Variants in RYR2 observed in about 807,000 individuals in gnomAD.
RYR2 encodes the protein ryanodine receptor 2, also known as cardiac muscle ryanodine receptor-calcium release channel.
A neutral mutation model predicts 601.1 loss-of-function variants in RYR2; 227 were observed. The ratio of observed to expected loss-of-function variants is 0.38; its 90% CI spans 0.34 to 0.42. RYR2 has a LOEUF of 0.42. RYR2 is among the 10% of genes least tolerant of loss of function. The pLI, the probability that RYR2 is intolerant of heterozygous loss-of-function variation, is 1.00. For synonymous variants in RYR2, 2,223 were observed against 2,175.1 expected, an observed-to-expected ratio of 1.02 and a Z score of -0.61; for missense variants, 4,646 against 6,156.5, an observed-to-expected ratio of 0.75 and a Z score of 8.21.
chr1:237,147,429 A>G (rs1674136039), intron 1 of RYR2, among the ~76,000 whole-genome samples: 1 of 152,184 alleles, frequency 6.6e-6, no homozygotes, highest in African/African-American at 2.4e-5. Flanking sequence ...ATACACACAA[A>G]TTATCTGTTG....
intron 41 of RYR2, 26 bp downstream of exon 41, chr1:237,628,106 T>G: frequency 6.2e-7 from 1 of 1,605,596 alleles, no homozygotes; most frequent in Non-Finnish European, 8.5e-7. Context: ...ACTACAACCC[T>G]TTGTCTCGTA....
chr1:237,514,937 A>G (rs1206585939), intron 24 of RYR2, among the ~76,000 whole-genome samples: 1 of 152,232 alleles, frequency 6.6e-6, no homozygotes, highest in African/African-American at 2.4e-5. Context: ...GAACAGCTTC[A>G]TTTGTTTACA....
intron 55 of RYR2, 133 bp downstream of exon 55, chr1:237,660,207 TA>T (rs140488327): frequency 8.6e-4 from 356 of 413,480 alleles, no homozygotes; most frequent in South Asian, 1.4e-3. Flanking sequence ...AGGTCCCGTT[TA>T]AAAAAAAAAC....
At chr1:237,213,979 G>A (rs1682894552) in intron 1 of RYR2, among the ~76,000 whole-genome samples, 1 of 134,994 alleles carries the variant, frequency 7.4e-6, no homozygotes, top group South Asian at 2.4e-4. Context: ...GGAGTGCAGT[G>A]GTGTGATCTC....
At chr1:237,321,336 T>C (rs113279332) in intron 2 of RYR2, among the ~76,000 whole-genome samples, 5,794 of 152,166 alleles carry the variant, frequency 0.038, 255 homozygotes, top group African/African-American at 0.11. Context: ...AATTCCAAGG[T>C]GTTGAATGTC....
chr1:237,465,676 G>GCA (rs1660004698), intron 16 of RYR2, among the ~76,000 whole-genome samples: 1 of 152,166 alleles, frequency 6.6e-6, no homozygotes, highest in East Asian at 1.9e-4. Context: ...ATGGCCTACT[G>GCA]CGCGGCTACG....
intron 25 of RYR2, among the ~76,000 whole-genome samples, chr1:237,545,275 T>C (rs1248634707): frequency 6.6e-6 from 1 of 152,368 alleles, no homozygotes; most frequent in East Asian, 1.9e-4. Flanking sequence ...CACATTAGCA[T>C]AACTTGTCTA....
chr1:237,623,968 A>G, intron 39 of RYR2, 98 bp downstream of exon 39: 3 of 763,660 alleles, frequency 3.9e-6, no homozygotes, highest in Non-Finnish European at 6.8e-6. Flanking sequence ...TTTCACGAAT[A>G]CACACGATAC....
intron 10 of RYR2, among the ~76,000 whole-genome samples, chr1:237,411,581 C>T (rs910166978): frequency 6.6e-6 from 1 of 152,102 alleles, no homozygotes; most frequent in Admixed American, 6.5e-5. Context: ...CCATCTGCAT[C>T]CTCAGAGCTG....
chr1:237,786,622 A>G (rs1269486797), intron 91 of RYR2, among the ~76,000 whole-genome samples: 1 of 152,228 alleles, frequency 6.6e-6, no homozygotes, highest in Non-Finnish European at 1.5e-5. Flanking sequence ...GCAATAAAAA[A>G]GAGCTGGATG....
intron 63 of RYR2, among the ~76,000 whole-genome samples, chr1:237,697,329 T>TGTATATATATATA (rs1687546715): frequency 6.9e-6 from 1 of 144,764 alleles, no homozygotes; most frequent in Non-Finnish European, 1.5e-5. Flanking sequence ...TGTGTGTGTG[T>TGTATATATATATA]GTATATATAT....
chr1:237,348,419 G>A (rs1040048659), intron 3 of RYR2, among the ~76,000 whole-genome samples: 4 of 152,058 alleles, frequency 2.6e-5, no homozygotes, highest in African/African-American at 7.2e-5. Context: ...TGTGCTGGGG[G>A]GCCAAAAATT....
rs371262638 is a variant in RYR2 at position 237,742,171 on chromosome 1, G to T, written c.11092-125G>T. 357 of 666,200 alleles carry T rather than the reference G, an allele frequency of 5.4e-4. 4 individuals carry two copies. In the South Asian group the frequency reaches 6.0e-3, roughly 11 times the overall value. 41.3% of individuals were successfully genotyped at this position (666,200 alleles called of 1,614,324 possible). On this transcript the variant is annotated intron_variant, in intron 79 of 104. Coordinates refer to ENST00000366574, the MANE Select transcript of RYR2 (RefSeq NM_001035.3). ...GTCATCTAAGCATTCTATCTTACAT[G>T]TGTTTAAACAAGGTTGATGATAAAT...
chr1:237,570,236 G>A (rs973991305), intron 29 of RYR2, among the ~76,000 whole-genome samples: 4 of 147,644 alleles, frequency 2.7e-5, no homozygotes, highest in African/African-American at 7.5e-5. Context: ...AAAAAAAGAT[G>A]GAAGGTGTTG....
intron 1 of RYR2, among the ~76,000 whole-genome samples, chr1:237,108,152 G>C (rs1572660374): frequency 6.6e-6 from 1 of 152,102 alleles, no homozygotes; most frequent in African/African-American, 2.4e-5. Context: ...ATTTTCCAGG[G>C]AATAAGAATC....
intron 1 of RYR2, among the ~76,000 whole-genome samples, chr1:237,049,329 G>A (rs1015813144): frequency 7.2e-5 from 11 of 152,192 alleles, no homozygotes; most frequent in African/African-American, 2.4e-4. Context: ...AGTGTCCAGT[G>A]GATCAGTTTC....
intron 71 of RYR2, among the ~76,000 whole-genome samples, chr1:237,716,754 CCACACA>C (rs72260792): frequency 6.1e-4 from 91 of 148,068 alleles, no homozygotes; most frequent in Non-Finnish European, 6.6e-4. Context: ...ATATATTAGA[CCACACA>C]CACACACACA....
At chr1:237,677,824 C>T (rs1429780702) in intron 60 of RYR2, among the ~76,000 whole-genome samples, 2 of 152,166 alleles carry the variant, frequency 1.3e-5, no homozygotes, top group Non-Finnish European at 2.9e-5. Flanking sequence ...CTAACCACAA[C>T]TATGGGCTGT....
chr1:237,700,367 G>A lies in RYR2; in HGVS notation c.9267G>A (p.Gly3089=), dbSNP rs1336341953. 1 of 1,606,028 alleles carries A rather than the reference G, an allele frequency of 6.2e-7. No homozygotes were observed. Among genetic ancestry groups the A allele is most frequent in the South Asian group, 1.1e-5 (1 of 89,294 alleles). ...QFTHTRNQPK[G]VTQIINYTTV... The stretch of plus-strand genomic sequence containing the variant: ...CTCACACCCGAAACCAGCCCAAAGG[G>A]GTTACTCAGATTATCAATTACACCA... Residue 3089 remains glycine, a synonymous_variant, in exon 65 of 105, where the codon GGG becomes GGA. Coordinates refer to ENST00000366574, the MANE Select transcript of RYR2 (RefSeq NM_001035.3).
Sources: allele counts gnomAD v4.1 joint callset (sites outside exome capture counted in the v4.1 genomes callset), GRCh38; gene constraint gnomAD v4.1.1; transcripts MANE v1.5; gene names NCBI Gene and HGNC (gene_info 2026-07-23, HGNC 2026-07-21).